SLC25A37: variants seen among roughly 807,000 people sequenced by gnomAD.
SLC25A37 encodes mitoferrin-1.
In SLC25A37, 17 loss-of-function variants were observed where a neutral mutation model predicts 31.0. The ratio of observed to expected loss-of-function variants is 0.55; its 90% CI spans 0.38 to 0.82. The LOEUF (loss-of-function observed/expected upper bound fraction) is 0.82, where lower values mean the gene tolerates loss of function less well. SLC25A37 is among the 40% of genes least tolerant of loss of function. SLC25A37 has a pLI of 0.00. For synonymous variants in SLC25A37, 222 were observed against 193.0 expected (o/e 1.15, Z -1.24); for missense variants, 404 against 465.8 (o/e 0.87, Z 1.22).
Position 23,529,227 on chromosome 8 carries a change from G to A in SLC25A37, c.210+15G>A. On this transcript the variant is annotated intron_variant, in intron 1 of 3. Coordinates refer to ENST00000519973, the MANE Select transcript of SLC25A37 (RefSeq NM_016612.4). This position sits in a 1 kb window ranked among gnomAD's most constrained non-coding sequence, Gnocchi z 4.1. ...ACTCGGTGAAGGTGAGGCGCGGGGA[G>A]ACTTCGGGGACGCAACGAGCGGAGA... The A allele has an allele frequency of 6.3e-7, 1 of 1,597,926 alleles. No individual in the cohort carries two copies. Among genetic ancestry groups the A allele is most frequent in the Non-Finnish European group, 8.5e-7 (1 of 1,173,072 alleles).
rs376499466 is a variant in SLC25A37, at chr8:23,534,048, G to A, written c.210+4836G>A. ...CTGCAGCCTTGACCTCCCAGGGCTTGAGTGATCCTCCCAGCTCAGACTCCT... is the reference window on the plus strand; with the variant it reads ...CTGCAGCCTTGACCTCCCAGGGCTTAAGTGATCCTCCCAGCTCAGACTCCT... On this transcript the variant is annotated intron_variant, in intron 1 of 3. Coordinates refer to ENST00000519973, the MANE Select transcript of SLC25A37 (RefSeq NM_016612.4). Among the ~76,000 whole-genome samples the A allele has an allele frequency of 4.6e-5, 7 of 152,188 alleles. No homozygotes were observed. In the South Asian group the frequency reaches 1.5e-3, roughly 32 times the overall value.
chr8:23,568,424 G>A, intron 3 of SLC25A37, 46 bp downstream of exon 3: 6 of 1,610,848 alleles, frequency 3.7e-6, no homozygotes, highest in Non-Finnish European at 5.1e-6. Context: ...GATGTGCAAA[G>A]GGGCACAAAA....
chr8:23,557,225 T>C (rs892787109), intron 1 of SLC25A37, among the ~76,000 whole-genome samples: 17 of 152,164 alleles, frequency 1.1e-4, no homozygotes, highest in Non-Finnish European at 2.1e-4. Flanking sequence ...AGAGTCCCTC[T>C]TCTGCCAAGG....
chr8:23,535,462 C>T (rs1801747155), intron 1 of SLC25A37, among the ~76,000 whole-genome samples: 1 of 152,178 alleles, frequency 6.6e-6, no homozygotes, highest in Admixed American at 6.5e-5. Flanking sequence ...TATAAGGGAA[C>T]AGGTGTCTTC....
intron 1 of SLC25A37, among the ~76,000 whole-genome samples, chr8:23,539,522 T>C (rs9314268): frequency 0.38 from 57,229 of 152,116 alleles, 12,489 homozygotes; most frequent in East Asian, 0.62. Flanking sequence ...GTCAGACTTA[T>C]GCTGGTGTTG....
chr8:23,568,045 G>A (rs1049966079), intron 2 of SLC25A37: 12 of 479,662 alleles, frequency 2.5e-5, no homozygotes, highest in African/African-American at 2.0e-4. Flanking sequence ...ACCAACACTT[G>A]CAGGTTTAGC....
At chr8:23,566,653 G>T in intron 2 of SLC25A37, 1 of 1,079,478 alleles carries the variant, frequency 9.3e-7, no homozygotes, top group Non-Finnish European at 1.1e-6. Flanking sequence ...ACATTCAAAA[G>T]CAATTAATGA....
At chr8:23,560,358 C>T (rs1320506802) in intron 1 of SLC25A37, among the ~76,000 whole-genome samples, 3 of 152,246 alleles carry the variant, frequency 2.0e-5, no homozygotes, top group Admixed American at 2.0e-4. Flanking sequence ...AGCCGCCTGC[C>T]TTCTGCCTCT....
intron 1 of SLC25A37, among the ~76,000 whole-genome samples, chr8:23,543,734 TG>T (rs776947479): frequency 9.2e-5 from 14 of 151,424 alleles, no homozygotes; most frequent in Non-Finnish European, 1.6e-4. Flanking sequence ...GGGGTTTCGC[TG>T]TGTTAGCCAG....
At chr8:23,539,086 G>A (rs1053137269) in intron 1 of SLC25A37, among the ~76,000 whole-genome samples, 1 of 152,188 alleles carries the variant, frequency 6.6e-6, no homozygotes, top group East Asian at 1.9e-4. Flanking sequence ...CAGACAGTCA[G>A]GAAGGGCCGT....
rs1227170331 is a variant in SLC25A37 at position 23,573,746 on chromosome 8, A to G, written c.*1891A>G. ...GGTACCTCCCACGTGTGCCCCGTGA[A>G]CAGCCCTTTGCAGCTGGGCTGTGGG... On this transcript the variant is annotated 3_prime_UTR_variant, in exon 4 of 4. Transcript: ENST00000519973. The G allele has an allele frequency of 4.4e-6, 2 of 451,072 alleles. No homozygotes were observed. Among genetic ancestry groups the G allele is most frequent in the Non-Finnish European group, 9.0e-6 (2 of 222,402 alleles). The allele number at this position is 451,072 out of a possible 1,614,324, so 27.9% of individuals were successfully genotyped here. A position where few individuals can be genotyped will look rare whatever the true frequency, so the allele number is the denominator to read the frequency against.
chr8:23,561,384 T>A (rs77836357), intron 1 of SLC25A37, among the ~76,000 whole-genome samples: 7,224 of 152,314 alleles, frequency 0.047, 202 homozygotes, highest in South Asian at 0.059. Flanking sequence ...TCCAACTGGC[T>A]GACATGAGCA....
chr8:23,569,255 T>G (rs2117462111), intron 3 of SLC25A37, among the ~76,000 whole-genome samples: 1 of 152,344 alleles, frequency 6.6e-6, no homozygotes, highest in East Asian at 1.9e-4. Flanking sequence ...AGAGCAAGAC[T>G]GCCTCAAAAC....
At chr8:23,563,221 C>T (rs1049343306) in intron 1 of SLC25A37, among the ~76,000 whole-genome samples, 3 of 152,066 alleles carry the variant, frequency 2.0e-5, no homozygotes, top group African/African-American at 7.2e-5. Context: ...GGGTTTTGTT[C>T]TGTCACCCAG....
intron 3 of SLC25A37, among the ~76,000 whole-genome samples, chr8:23,570,462 A>C (rs764889988): frequency 2.0e-5 from 3 of 152,146 alleles, no homozygotes; most frequent in African/African-American, 7.2e-5. Flanking sequence ...GTTCAATGAA[A>C]AACCTAAAAA....
In SLC25A37 at chr8:23,573,544, G is replaced by C. The variant is rs1802915888; in HGVS notation, c.*1689G>C. The C allele has an allele frequency of 3.8e-6, 1 of 261,892 alleles. No homozygotes were observed. Among genetic ancestry groups the C allele is most frequent in the Non-Finnish European group, 8.0e-6 (1 of 125,530 alleles). 16.2% of individuals were successfully genotyped at this position (261,892 alleles called of 1,614,324 possible). A position where few individuals can be genotyped will look rare whatever the true frequency, so the allele number is the denominator to read the frequency against. On this transcript the variant is annotated 3_prime_UTR_variant, in exon 4 of 4. Transcript: ENST00000519973. ...GCGTGGTGCATCTTACCGAGGAGGCGCAGGCCTGGATTCTTTTGAGTGGTG... is the reference window on the plus strand; with the variant it reads ...GCGTGGTGCATCTTACCGAGGAGGCCCAGGCCTGGATTCTTTTGAGTGGTG...
intron 1 of SLC25A37, among the ~76,000 whole-genome samples, chr8:23,557,232 A>C (rs1428358493): frequency 6.6e-6 from 1 of 152,126 alleles, no homozygotes; most frequent in Non-Finnish European, 1.5e-5. Flanking sequence ...CTCTTCTGCC[A>C]AGGAGCCTAG....
Position 23,529,358 on chromosome 8 carries a change from C to T in SLC25A37, c.210+146C>T. ...CGGCTGGCCGGGGTCGCCCCAGGAG[C>T]AGCTGCGCGCAGCCTGGGCGCCGCG... On this transcript the variant is annotated intron_variant, in intron 1 of 3. Transcript: ENST00000519973. This position sits in a 1 kb window ranked among gnomAD's most constrained non-coding sequence, Gnocchi z 4.1. 1.6e-6 allele frequency: 1 copy of T among 617,282 alleles called. No individual in the cohort carries two copies. Among genetic ancestry groups the T allele is most frequent in the Non-Finnish European group, 2.4e-6 (1 of 414,512 alleles). The allele number at this position is 617,282 out of a possible 1,614,324, so 38.2% of individuals were successfully genotyped here. A position where few individuals can be genotyped will look rare whatever the true frequency, so the allele number is the denominator to read the frequency against.
intron 1 of SLC25A37, among the ~76,000 whole-genome samples, chr8:23,533,232 C>T (rs542864356): frequency 1.3e-5 from 2 of 152,256 alleles, no homozygotes; most frequent in Admixed American, 1.3e-4. Context: ...TTTTCTCTGC[C>T]CTAAATTGGG....
Sources: gnomAD v4.1 joint callset for allele counts (sites outside exome capture counted in the v4.1 genomes callset) on GRCh38, gnomAD v4.1.1 for gene constraint, Gnocchi (gnomAD v3.1) non-coding constraint, MANE v1.5 for transcripts, NCBI Gene and HGNC (gene_info 2026-07-23, HGNC 2026-07-21) for gene names.